VPS50: variants seen among roughly 807,000 people sequenced by gnomAD.
VPS50 encodes syndetin.
In VPS50, 70 loss-of-function variants were observed where a neutral mutation model predicts 139.7. The ratio of observed to expected loss-of-function variants is 0.50; its 90% CI spans 0.41 to 0.61. The LOEUF (loss-of-function observed/expected upper bound fraction) is 0.61, where lower values mean the gene tolerates loss of function less well. VPS50 is among the 20% of genes least tolerant of loss of function. VPS50 has a pLI of 0.00. For synonymous variants in VPS50, 365 were observed against 376.7 expected (o/e 0.97, Z 0.36); for missense variants, 921 against 1,133.7 (o/e 0.81, Z 2.69).
chr7:93,261,062 T>C lies in VPS50; in HGVS notation c.659+1430T>C, dbSNP rs894922009. On this transcript the variant is annotated intron_variant, in intron 9 of 27. Coordinates refer to ENST00000305866, the MANE Select transcript of VPS50 (RefSeq NM_017667.4). The stretch of plus-strand genomic sequence containing the variant: ...AACTTGACGATGTCATTTACACTTA[T>C]TAGGTTAAATAAATAGAGAATTAGT... 7.2e-5 allele frequency among the ~76,000 whole-genome samples: 11 copies of C among 152,228 alleles called. No homozygotes were observed. The South Asian group carries it at 8.3e-4, about 11-fold the overall frequency.
chr7:93,353,205 A>G (rs1194937203), intron 25 of VPS50, among the ~76,000 whole-genome samples: 1 of 152,182 alleles, frequency 6.6e-6, no homozygotes, highest in Non-Finnish European at 1.5e-5. Context: ...ATTAGATTGC[A>G]CTCTGAAGAG....
At chr7:93,343,762 T>C (rs944864665) in intron 23 of VPS50, among the ~76,000 whole-genome samples, 2 of 151,988 alleles carry the variant, frequency 1.3e-5, no homozygotes, top group African/African-American at 2.4e-5. Flanking sequence ...TAAAATACTT[T>C]ACAGACAAGC....
chr7:93,256,235 A>G (rs1469739104), intron 4 of VPS50, among the ~76,000 whole-genome samples: 1 of 152,230 alleles, frequency 6.6e-6, no homozygotes, highest in Non-Finnish European at 1.5e-5. Context: ...TGTTACTTAA[A>G]TCAGATAATG....
At chr7:93,294,735 T>G in intron 14 of VPS50, 99 bp downstream of exon 14, 1 of 871,122 alleles carries the variant, frequency 1.1e-6, no homozygotes, top group African/African-American at 1.7e-5. Flanking sequence ...ATGTATTCTT[T>G]GCAGATTTAA....
chr7:93,242,993 A>ATTAT (rs1047593052), intron 2 of VPS50, among the ~76,000 whole-genome samples: 12 of 151,928 alleles, frequency 7.9e-5, no homozygotes, highest in African/African-American at 2.4e-4. Context: ...GCCAGATGGT[A>ATTAT]TTATTTATTT....
chr7:93,323,551 T>C (rs1326971108), intron 20 of VPS50, 60 bp from the exon 21 acceptor site: 4 of 626,432 alleles, frequency 6.4e-6, no homozygotes, highest in African/African-American at 5.7e-5. Flanking sequence ...CTTTTTATAA[T>C]TATAGACTAA....
At chr7:93,357,072 T>C (rs962728242) in intron 27 of VPS50, among the ~76,000 whole-genome samples, 1 of 152,118 alleles carries the variant, frequency 6.6e-6, no homozygotes, top group Non-Finnish European at 1.5e-5. Context: ...CTTCACCACG[T>C]TTAGCCCCAC....
chr7:93,288,575 G>T (rs1203432797), intron 12 of VPS50, among the ~76,000 whole-genome samples: 2 of 152,128 alleles, frequency 1.3e-5, no homozygotes, highest in African/African-American at 4.8e-5. Context: ...CCTTGGGATT[G>T]TACTATTTTG....
intron 20 of VPS50, chr7:93,320,866 T>G (rs1797595099): frequency 6.6e-6 from 1 of 152,534 alleles, no homozygotes; most frequent in African/African-American, 2.4e-5. Flanking sequence ...TCCAGCTTGA[T>G]TCTAAGTAGT....
chr7:93,234,939 TA>T (rs11289729), intron 1 of VPS50, among the ~76,000 whole-genome samples: 32,168 of 144,382 alleles, frequency 0.22, 5,139 homozygotes, highest in African/African-American at 0.43. Context: ...CTATTCTAAG[TA>T]AAAAAAAAAA....
In VPS50 at chr7:93,313,054, G is replaced by C. The variant is rs1479073765; in HGVS notation, c.1855+1782G>C. 3.9e-5 allele frequency among the ~76,000 whole-genome samples: 6 copies of C among 152,298 alleles called. No individual in the cohort carries two copies. The East Asian group carries it at 1.2e-3, about 29-fold the overall frequency. On this transcript the variant is annotated intron_variant, in intron 20 of 27. Coordinates refer to ENST00000305866, the MANE Select transcript of VPS50 (RefSeq NM_017667.4). ...TTGTCTCCTGTTTATATGCAGCTCT[G>C]CTCCGTGTGTCTCTTCATTCTAAGA...
intron 12 of VPS50, among the ~76,000 whole-genome samples, chr7:93,286,134 GA>G (rs1311087461): frequency 1.3e-5 from 2 of 152,020 alleles, no homozygotes; most frequent in Non-Finnish European, 2.9e-5. Context: ...AGTAGCAGTG[GA>G]AAATAGTTTT....
At chr7:93,284,606 C>T (rs186900985) in intron 12 of VPS50, among the ~76,000 whole-genome samples, 2 of 152,150 alleles carry the variant, frequency 1.3e-5, no homozygotes, top group East Asian at 1.9e-4. Flanking sequence ...TTTTTCTCCC[C>T]GATTATATTT....
chr7:93,268,984 T>C (rs552106592), intron 9 of VPS50, among the ~76,000 whole-genome samples: 2 of 152,178 alleles, frequency 1.3e-5, no homozygotes, highest in Non-Finnish European at 2.9e-5. Context: ...TAATTACATA[T>C]AGAGAGGGAA....
At chr7:93,238,808 A>T (rs1168406276) in intron 1 of VPS50, among the ~76,000 whole-genome samples, 1 of 152,140 alleles carries the variant, frequency 6.6e-6, no homozygotes, top group African/African-American at 2.4e-5. Flanking sequence ...TCTGAAAGTG[A>T]TGTATTGCTT....
intron 20 of VPS50, among the ~76,000 whole-genome samples, chr7:93,322,599 CAAAAAAAAA>C (rs71528064): frequency 3.0e-5 from 2 of 66,180 alleles, no homozygotes; most frequent in African/African-American, 5.6e-5. Flanking sequence ...GACTCCGTCT[CAAAAAAAAA>C]AAAAAAAAAA....
At chr7:93,301,235 T>C (rs1324199320) in intron 16 of VPS50, among the ~76,000 whole-genome samples, 1 of 151,298 alleles carries the variant, frequency 6.6e-6, no homozygotes, top group Non-Finnish European at 1.5e-5. Context: ...CGGCAGAGGT[T>C]GCAGTGAGCC....
rs1472581904 is a variant in VPS50, at chr7:93,252,571, TAAGAC to T, written c.103-79_103-75del. 6 of 959,234 alleles carry T rather than the reference TAAGAC, an allele frequency of 6.3e-6. No individual in the cohort carries two copies. In the African/African-American group the frequency reaches 1.0e-4, roughly 16 times the overall value. The allele number at this position is 959,234 out of a possible 1,614,324, so 59.4% of individuals were successfully genotyped here. The stretch of plus-strand genomic sequence containing the variant: ...AATCGTTCCAGGTAGATGTGACTGT[TAAGAC>T]AAATGATCATTTATTTCCATGCAGA... On this transcript the variant is annotated intron_variant, in intron 2 of 27. Transcript: ENST00000305866.
intron 12 of VPS50, among the ~76,000 whole-genome samples, chr7:93,283,570 TACTC>T (rs1342675555): frequency 1.1e-4 from 16 of 152,110 alleles, no homozygotes; most frequent in Non-Finnish European, 2.9e-5. Context: ...TCAGTTTTCT[TACTC>T]AGTCATCAGT....
Sources: allele counts gnomAD v4.1 joint callset (sites outside exome capture counted in the v4.1 genomes callset), GRCh38; gene constraint gnomAD v4.1.1; transcripts MANE v1.5; gene names NCBI Gene and HGNC (gene_info 2026-07-23, HGNC 2026-07-21).